The following PEMT variants were observed in gnomAD, a reference collection of about 807,000 sequenced individuals.
The protein encoded by PEMT is phospholipid methyltransferase.
A neutral mutation model predicts 27.4 loss-of-function variants in PEMT; 23 were observed. The ratio of observed to expected loss-of-function variants is 0.84; its 90% CI spans 0.60 to 1.19. PEMT has a LOEUF of 1.19. Ranked by LOEUF, PEMT falls within the 50% of genes most tolerant of loss-of-function variation. The pLI is 0.00. For missense variants in PEMT, 307 were observed against 310.1 expected (o/e 0.99, Z 0.07); for synonymous variants, 137 against 139.1 (o/e 0.98, Z 0.11).
intron 2 of PEMT, among the ~76,000 whole-genome samples, chr17:17,525,540 G>A (rs945153765): frequency 3.1e-4 from 47 of 152,210 alleles, no homozygotes; most frequent in African/African-American, 1.1e-3. Context: ...AGGCAGCGGC[G>A]TGGCCCAGCA....
chr17:17,526,625 T>C (rs993031548), intron 2 of PEMT, among the ~76,000 whole-genome samples: 4 of 152,190 alleles, frequency 2.6e-5, no homozygotes, highest in African/African-American at 9.7e-5. Flanking sequence ...CCTCTGCCCA[T>C]GCACATGCCC....
chr17:17,535,821 G>A (rs1392946797), intron 2 of PEMT, among the ~76,000 whole-genome samples: 1 of 152,230 alleles, frequency 6.6e-6, no homozygotes, highest in Admixed American at 6.5e-5. Context: ...TTCTAGTTTA[G>A]TGTATGTTGC....
chr17:17,531,621 C>CAAAAAAAAAAA (rs58165466), intron 2 of PEMT, among the ~76,000 whole-genome samples: 34 of 62,412 alleles, frequency 5.4e-4, no homozygotes, highest in Non-Finnish European at 6.6e-4. Flanking sequence ...CTATCATATG[C>CAAAAAAAAAAA]AAAAAAAAAA....
chr17:17,534,834 A>G (rs1908343064), intron 2 of PEMT, among the ~76,000 whole-genome samples: 1 of 152,064 alleles, frequency 6.6e-6, no homozygotes, highest in African/African-American at 2.4e-5. Flanking sequence ...AAAAAAGGCA[A>G]CTCAAATTGT....
At chr17:17,544,269 G>T (rs564000192) in intron 2 of PEMT, among the ~76,000 whole-genome samples, 55 of 150,274 alleles carry the variant, frequency 3.7e-4, no homozygotes, top group Non-Finnish European at 7.1e-4. Flanking sequence ...CCCAGCTTGT[G>T]TTTCTTTTTC....
At chr17:17,577,228 G>T (rs981387954) in intron 1 of PEMT, among the ~76,000 whole-genome samples, 2 of 152,170 alleles carry the variant, frequency 1.3e-5, no homozygotes, top group African/African-American at 4.8e-5. Flanking sequence ...GTCCTGGGAG[G>T]GCGGCCGCAG....
chr17:17,521,596 C>G (rs555588892), intron 3 of PEMT, among the ~76,000 whole-genome samples: 118 of 152,274 alleles, frequency 7.7e-4, no homozygotes, highest in African/African-American at 2.7e-3. Context: ...CGGAGTCTCG[C>G]TCTGTTGCCC....
chr17:17,535,498 G>C (rs969764158), intron 2 of PEMT, among the ~76,000 whole-genome samples: 5 of 151,594 alleles, frequency 3.3e-5, no homozygotes, highest in Non-Finnish European at 7.4e-5. Flanking sequence ...CCCAGGAGAC[G>C]AGGTTACAGT....
intron 2 of PEMT, among the ~76,000 whole-genome samples, chr17:17,556,014 C>G (rs1910025119): frequency 6.6e-6 from 1 of 152,246 alleles, no homozygotes; most frequent in Non-Finnish European, 1.5e-5. Flanking sequence ...GCGCACTGTG[C>G]CGGGCACCAG....
At chr17:17,586,037 G>A (rs1434358365) in intron 1 of PEMT, among the ~76,000 whole-genome samples, 2 of 148,778 alleles carry the variant, frequency 1.3e-5, no homozygotes, top group Non-Finnish European at 3.0e-5. Flanking sequence ...GACCCAAGAT[G>A]GCGCCACTGC....
intron 3 of PEMT, chr17:17,518,128 T>C: frequency 1.0e-6 from 1 of 985,486 alleles, no homozygotes; most frequent in Non-Finnish European, 1.2e-6. Flanking sequence ...AATTCCGATG[T>C]GCGCTGGAGC....
chr17:17,569,328 G>A lies in PEMT; in HGVS notation c.204+7592C>T, dbSNP rs542271936. ...GAGCACATGTGCAGGAGCCACCCCC[G>A]GCCCAATGGAGCGAGAGGTCTTGGG... is the stretch of plus-strand genomic sequence containing the variant. On this transcript the variant is annotated intron_variant, in intron 2 of 6. Transcript: ENST00000255389. Among the ~76,000 whole-genome samples the A allele has an allele frequency of 1.2e-3, 186 of 152,284 alleles. 1 individual carries two copies. Among genetic ancestry groups the A allele is most frequent in the African/African-American group, 4.1e-3 (171 of 41,562 alleles).
chr17:17,525,429 A>T (rs1907597154), intron 2 of PEMT, among the ~76,000 whole-genome samples: 1 of 152,228 alleles, frequency 6.6e-6, no homozygotes, highest in Non-Finnish European at 1.5e-5. Flanking sequence ...GCCTGGCAGC[A>T]CCACCGTGTC....
At chr17:17,570,941 A>G in intron 2 of PEMT, 1 of 984,138 alleles carries the variant, frequency 1.0e-6, no homozygotes, top group Non-Finnish European at 1.2e-6. Context: ...GAAAGAACAG[A>G]ACATTGGGGA....
intron 2 of PEMT, among the ~76,000 whole-genome samples, chr17:17,537,678 G>A (rs1348992116): frequency 6.6e-6 from 1 of 152,254 alleles, no homozygotes; most frequent in Non-Finnish European, 1.5e-5. Flanking sequence ...AGAAAGAGAA[G>A]GAAAGGCCCG....
At chr17:17,530,936 G>A (rs1348992622) in intron 2 of PEMT, among the ~76,000 whole-genome samples, 6 of 151,888 alleles carry the variant, frequency 4.0e-5, no homozygotes, top group South Asian at 2.1e-4. Flanking sequence ...CCAGCTACTC[G>A]GGAGGCTGAG....
At chr17:17,578,727 G>A (rs762971282) in intron 1 of PEMT, 18 of 152,036 alleles carry the variant, frequency 1.2e-4, no homozygotes, top group South Asian at 4.2e-4. Flanking sequence ...TTCATGAAGC[G>A]TTCCACATTT....
Position 17,591,656 on chromosome 17 carries a change from G to A in PEMT, c.-30C>T, listed in dbSNP as rs1340515240. ...GGGCCGCCTCAGGAGGCACCACGCG[G>A]GCCCCGCTGCAGCCACGCGCCCCCG... On this transcript the variant is annotated 5_prime_UTR_variant, in exon 1 of 7. Coordinates refer to ENST00000255389, the MANE Select transcript of PEMT (RefSeq NM_148172.3). The A allele has an allele frequency of 6.3e-7, 1 of 1,598,258 alleles. No individual in the cohort carries two copies. The highest frequency in any genetic ancestry group is 8.5e-7 in the Non-Finnish European group (1 of 1,172,934).
At chr17:17,575,058 A>G (rs1382567678) in intron 2 of PEMT, among the ~76,000 whole-genome samples, 2 of 152,164 alleles carry the variant, frequency 1.3e-5, no homozygotes, top group Admixed American at 6.5e-5. Flanking sequence ...GGGGCTGAAA[A>G]CAACAGCAAT....
Sources: allele counts gnomAD v4.1 joint callset (sites outside exome capture counted in the v4.1 genomes callset), GRCh38; gene constraint gnomAD v4.1.1; transcripts MANE v1.5; gene names NCBI Gene and HGNC (gene_info 2026-07-23, HGNC 2026-07-21).